Variants in MSN observed in about 807,000 individuals in gnomAD.
MSN encodes epididymis luminal protein 70.
MSN carries 2 observed loss-of-function variants against 48.0 expected under a neutral mutation model. The observed-to-expected ratio is 0.04, with a 90% CI of 0.02 to 0.13. The LOEUF (loss-of-function observed/expected upper bound fraction) is 0.13. Ranked by LOEUF, MSN falls within the 10% of genes least tolerant of loss-of-function variation. The pLI is 1.00. For synonymous variants in MSN, 146 were observed against 166.9 expected, an observed-to-expected ratio of 0.87 and a Z score of 0.97; for missense variants, 267 against 470.1, an observed-to-expected ratio of 0.57 and a Z score of 3.99.
chrX:65,656,221 GTT>G (rs1481385345), intron 1 of MSN, among the ~76,000 whole-genome samples: 1 of 111,051 alleles, frequency 9.0e-6, no homozygotes, highest in African/African-American at 3.3e-5. Context: ...ACAGTATAGT[GTT>G]TACCTAAGGC....
chrX:65,645,613 G>A (rs1351837491), intron 1 of MSN, among the ~76,000 whole-genome samples: 1 of 111,241 alleles, frequency 9.0e-6, no homozygotes, highest in Non-Finnish European at 1.9e-5. Flanking sequence ...AAACTGAGGA[G>A]CAGAAGGCTC....
rs959781327 is a variant in MSN, at chrX:65,733,109, G to A, written c.699-75G>A. 7 of 745,277 alleles carry A rather than the reference G, an allele frequency of 9.4e-6. No homozygotes were observed. In the African/African-American group the frequency reaches 1.3e-4, roughly 14 times the overall value. The allele number at this position is 745,277 out of a possible 1,213,427, so 61.4% of individuals were successfully genotyped here. The stretch of plus-strand genomic sequence containing the variant: ...GACATAGAAGCTTGGAGGTGACAGT[G>A]AGGGCAAGCCCCCAGTTCTCTACAC... On this transcript the variant is annotated intron_variant, in intron 6 of 12. Coordinates refer to ENST00000360270, the MANE Select transcript of MSN (RefSeq NM_002444.3).
intron 1 of MSN, among the ~76,000 whole-genome samples, chrX:65,638,704 G>A (rs771653804): frequency 8.9e-5 from 10 of 112,282 alleles, no homozygotes; most frequent in Non-Finnish European, 1.1e-4. Context: ...AGAAGTGTGC[G>A]CCCATGCTGG....
chrX:65,599,582 G>A (rs745643990), intron 1 of MSN, among the ~76,000 whole-genome samples: 4 of 112,749 alleles, frequency 3.5e-5, no homozygotes, highest in South Asian at 3.6e-4. Flanking sequence ...GCAGTGAGCC[G>A]AGATAGCGCC....
At chrX:65,725,018 G>C (rs2071554702) in intron 2 of MSN, among the ~76,000 whole-genome samples, 1 of 111,999 alleles carries the variant, frequency 8.9e-6, no homozygotes, top group Non-Finnish European at 1.9e-5. Context: ...AATACCTGGA[G>C]CTAGTTACTT....
chrX:65,736,074 C>A (rs1335963355), intron 8 of MSN, among the ~76,000 whole-genome samples: 1 of 112,029 alleles, frequency 8.9e-6, no homozygotes, highest in Non-Finnish European at 1.9e-5. Context: ...CAGTGTTAGA[C>A]CTGAGGACTG....
At chrX:65,731,548 A>G (rs1475897948) in intron 5 of MSN, among the ~76,000 whole-genome samples, 1 of 110,896 alleles carries the variant, frequency 9.0e-6, no homozygotes, top group Non-Finnish European at 1.9e-5. Flanking sequence ...AGGCTGTCAC[A>G]ATGAATGAGA....
rs538336659 is a variant in MSN at position 65,730,968 on chromosome X, G to A, written c.468-139G>A. 6 of 408,557 alleles carry A rather than the reference G, an allele frequency of 1.5e-5. No homozygotes were observed. In the South Asian group the frequency reaches 2.1e-4, roughly 15 times the overall value. The allele number at this position is 408,557 out of a possible 1,213,427, so 33.7% of individuals were successfully genotyped here. On this transcript the variant is annotated intron_variant, in intron 4 of 12. Transcript: ENST00000360270. Reference sequence around the variant, plus strand: ...TTTAACACCTTCTTGCTATAATTTCGGTCTGCTTCCAGTGTGACCTCAATT... The same window carrying A: ...TTTAACACCTTCTTGCTATAATTTCAGTCTGCTTCCAGTGTGACCTCAATT...
intron 1 of MSN, 79 bp from the exon 2 acceptor site, chrX:65,716,739 G>A: frequency 1.1e-6 from 1 of 903,648 alleles, no homozygotes; most frequent in Non-Finnish European, 1.6e-6. Context: ...TTCCTCTGTG[G>A]TTGAGCAGAG....
intron 3 of MSN, among the ~76,000 whole-genome samples, chrX:65,728,325 G>A (rs143939645): frequency 7.2e-5 from 8 of 110,722 alleles, no homozygotes; most frequent in Admixed American, 1.9e-4. Context: ...ACGGAGTCTC[G>A]CACTCTCGCC....
At chrX:65,617,031 C>G (rs1315306721) in intron 1 of MSN, among the ~76,000 whole-genome samples, 2 of 108,224 alleles carry the variant, frequency 1.8e-5, no homozygotes, top group Admixed American at 9.7e-5. Flanking sequence ...ATATATTGAA[C>G]CAGCCTTGCC....
Position 65,656,943 on chromosome X carries a change from C to T in MSN, c.-21-59875C>T, listed in dbSNP as rs180889145. The stretch of plus-strand genomic sequence containing the variant: ...TGAGGGTTCACCTGCCAATTCTGAG[C>T]ACACATGAAGGCTATGTTTCTGAAG... On this transcript the variant is annotated intron_variant, in intron 1 of 3. Coordinates refer to the MSN transcript ENST00000609672. 7.8e-4 allele frequency among the ~76,000 whole-genome samples: 87 copies of T among 112,104 alleles called. 1 individual carries two copies. The highest frequency in any genetic ancestry group is 1.3e-3 in the Non-Finnish European group (67 of 53,197).
intron 4 of MSN, 63 bp downstream of exon 4, chrX:65,729,775 A>G: frequency 6.3e-6 from 7 of 1,108,741 alleles, no homozygotes; most frequent in Non-Finnish European, 8.5e-6. Context: ...CAGCTGACCA[A>G]TCCCTGCCTC....
chrX:65,623,226 G>A (rs987491778), intron 1 of MSN, among the ~76,000 whole-genome samples: 1 of 109,050 alleles, frequency 9.2e-6, no homozygotes, highest in African/African-American at 3.4e-5. Flanking sequence ...TTTTAACATT[G>A]TATGCCTTCA....
At position 65,667,689 on chromosome X, in the gene MSN, C is replaced by G. The variant is rs1402125893; in HGVS notation, c.-153C>G. 4.2e-5 allele frequency: 46 copies of G among 1,100,918 alleles called. No individual in the cohort carries two copies. The highest frequency in any genetic ancestry group is 5.3e-5 in the Non-Finnish European group (44 of 834,337). The allele number at this position is 1,100,918 out of a possible 1,213,427, so 90.7% of individuals were successfully genotyped here. ...TGGGTGGGGTTTGTGAAGTCGTGGC[C>G]CGTTAGCAGGAAGCCTAACAGTCGC... On this transcript the variant is annotated 5_prime_UTR_variant, in exon 1 of 13. Coordinates refer to ENST00000360270, the MANE Select transcript of MSN (RefSeq NM_002444.3).
chrX:65,620,927 CTGT>C (rs923384343), intron 1 of MSN, among the ~76,000 whole-genome samples: 8 of 101,116 alleles, frequency 7.9e-5, no homozygotes, highest in East Asian at 3.1e-4. Context: ...TGATACTTCT[CTGT>C]TGTTGTTGTT....
chrX:65,636,747 CAAA>C (rs1219240320), intron 1 of MSN, among the ~76,000 whole-genome samples: 2 of 6,337 alleles, frequency 3.2e-4, no homozygotes, highest in African/African-American at 7.5e-4. Flanking sequence ...AACTCCATCT[CAAA>C]AAAAAAAAAA....
At chrX:65,607,979 GA>G (rs2070291555) in intron 1 of MSN, among the ~76,000 whole-genome samples, 1 of 112,116 alleles carries the variant, frequency 8.9e-6, no homozygotes, top group Non-Finnish European at 1.9e-5. Context: ...AAGATACAAG[GA>G]AATGTATTCA....
Position 65,727,167 on chromosome X carries a change from T to C in MSN, c.97-647T>C, listed in dbSNP as rs1439491532. Among the ~76,000 whole-genome samples the C allele has an allele frequency of 4.5e-5, 5 of 112,148 alleles. No individual in the cohort carries two copies. The East Asian group carries it at 1.4e-3, about 31-fold the overall frequency. Reference sequence around the variant, plus strand: ...AGAGTCCTTCACAATCCCCGTTTTATCTTCTCAAACATTCTTTATTTGGGG... The same window carrying C: ...AGAGTCCTTCACAATCCCCGTTTTACCTTCTCAAACATTCTTTATTTGGGG... On this transcript the variant is annotated intron_variant, in intron 2 of 12. Transcript: ENST00000360270.
Sources: gnomAD v4.1 joint callset for allele counts (sites outside exome capture counted in the v4.1 genomes callset) on GRCh38, gnomAD v4.1.1 for gene constraint, MANE v1.5 for transcripts, NCBI Gene and HGNC (gene_info 2026-07-23, HGNC 2026-07-21) for gene names.